Variants in MYO16 observed in about 807,000 individuals in gnomAD.
The protein encoded by MYO16 is myosin XVI.
A neutral mutation model predicts 205.3 loss-of-function variants in MYO16; 94 were observed. The observed-to-expected ratio is 0.46, with a 90% CI of 0.39 to 0.54. The LOEUF (loss-of-function observed/expected upper bound fraction) is 0.54, where lower values mean the gene tolerates loss of function less well. MYO16 is among the 20% of genes least tolerant of loss of function. MYO16 has a pLI of 0.00. For missense variants in MYO16, 2,315 were observed against 2,387.5 expected (o/e 0.97, Z 0.63); for synonymous variants, 988 against 954.0 (o/e 1.04, Z -0.66).
chr13:108,916,542 C>T (rs887160538), intron 16 of MYO16, among the ~76,000 whole-genome samples: 1 of 152,176 alleles, frequency 6.6e-6, no homozygotes. Flanking sequence ...TAACTTACGA[C>T]GTTCTAGGGA....
intron 4 of MYO16, among the ~76,000 whole-genome samples, chr13:108,750,807 AAAC>A (rs1453929004): frequency 6.6e-6 from 1 of 151,016 alleles, no homozygotes; most frequent in Non-Finnish European, 1.5e-5. Flanking sequence ...ACTCCATCTC[AAAC>A]AACAAAAAAA....
upstream of MYO16, among the ~76,000 whole-genome samples, chr13:108,595,320 A>C (rs988547431): frequency 6.6e-5 from 10 of 152,114 alleles, no homozygotes; most frequent in Admixed American, 2.0e-4. Context: ...TCATTCCACA[A>C]AATTGAATGG....
chr13:108,670,738 A>G (rs1881946883), intron 2 of MYO16, among the ~76,000 whole-genome samples: 1 of 152,180 alleles, frequency 6.6e-6, no homozygotes, highest in Non-Finnish European at 1.5e-5. Context: ...GGACATGAAG[A>G]GTTTCCCATC....
chr13:108,524,766 CA>C, the MYO16 span, among the ~76,000 whole-genome samples: 3 of 151,710 alleles, frequency 2.0e-5, no homozygotes, highest in Non-Finnish European at 4.4e-5. Flanking sequence ...TGTGTGATGA[CA>C]GGGGTAATGA....
At chr13:108,516,608 G>A in the MYO16 span, among the ~76,000 whole-genome samples, 1 of 152,144 alleles carries the variant, frequency 6.6e-6, no homozygotes, top group East Asian at 1.9e-4. Context: ...ATTAGTATAA[G>A]GTAAACATGT....
chr13:108,845,565 C>T (rs1050517952), intron 10 of MYO16, among the ~76,000 whole-genome samples: 7 of 152,076 alleles, frequency 4.6e-5, no homozygotes, highest in Non-Finnish European at 1.0e-4. Context: ...GGATCCCACC[C>T]TTATGATTTC....
At chr13:109,171,880 G>A (rs988119592) in intron 33 of MYO16, among the ~76,000 whole-genome samples, 8 of 152,170 alleles carry the variant, frequency 5.3e-5, no homozygotes, top group Admixed American at 2.0e-4. Flanking sequence ...TTATCATTCT[G>A]TATACGTTGT....
At chr13:108,516,954 A>T in the MYO16 span, among the ~76,000 whole-genome samples, 1 of 145,948 alleles carries the variant, frequency 6.9e-6, no homozygotes, top group Non-Finnish European at 1.5e-5. Flanking sequence ...TTTTAGAGAC[A>T]GGGTCTCACT....
intron 2 of MYO16, among the ~76,000 whole-genome samples, chr13:108,672,178 A>G (rs913257629): frequency 7.9e-5 from 12 of 152,226 alleles, no homozygotes; most frequent in African/African-American, 2.9e-4. Context: ...TAGAAACAGT[A>G]TAACGTCTCT....
chr13:108,709,233 A>T (rs1883631195), intron 2 of MYO16, among the ~76,000 whole-genome samples: 1 of 152,228 alleles, frequency 6.6e-6, no homozygotes, highest in Admixed American at 6.5e-5. Flanking sequence ...CGCTCCAATC[A>T]TGTTATTACA....
At position 109,179,636 on chromosome 13, in the gene MYO16, AATG is replaced by A. The variant is rs1879371069; in HGVS notation, c.5415+7_5415+9del. On this transcript the variant is annotated splice_donor_5th_base_variant and intron_variant, in intron 34 of 34. Coordinates refer to ENST00000457511, the MANE Select transcript of MYO16 (RefSeq NM_001198950.3). ...ACAGGGACAGTCACACCACTCAGGT[AATG>A]ATGTCTGTCTGTTCACATGTGCAGT... is the stretch of plus-strand genomic sequence containing the variant. The A allele has an allele frequency of 6.2e-7, 1 of 1,608,284 alleles. No homozygotes were observed. The highest frequency in any genetic ancestry group is 1.7e-5 in the Admixed American group (1 of 59,996).
intron 2 of MYO16, among the ~76,000 whole-genome samples, chr13:108,669,652 G>A (rs944679465): frequency 3.3e-5 from 5 of 152,064 alleles, no homozygotes; most frequent in African/African-American, 1.2e-4. Context: ...TTTGTTGATG[G>A]GGTTGTTTTT....
the MYO16 span, among the ~76,000 whole-genome samples, chr13:108,508,364 T>G: frequency 1.3e-5 from 2 of 152,130 alleles, no homozygotes; most frequent in South Asian, 2.1e-4. Context: ...AAAGCTTTTT[T>G]GGGGATGCAC....
chr13:108,691,932 G>T (rs1271028009), intron 2 of MYO16, among the ~76,000 whole-genome samples: 2 of 152,122 alleles, frequency 1.3e-5, no homozygotes, highest in African/African-American at 4.8e-5. Flanking sequence ...CAAGTCCTTG[G>T]TTTAGAGGTC....
intron 15 of MYO16, among the ~76,000 whole-genome samples, chr13:108,901,104 C>A (rs1880684672): frequency 6.6e-6 from 1 of 152,088 alleles, no homozygotes; most frequent in Admixed American, 6.5e-5. Context: ...GCTCTCAAAC[C>A]CTGTTTCCTG....
At chr13:108,873,703 G>A (rs1207397204) in intron 12 of MYO16, among the ~76,000 whole-genome samples, 1 of 124,050 alleles carries the variant, frequency 8.1e-6, no homozygotes, top group Non-Finnish European at 1.7e-5. Flanking sequence ...CAGGGTCCAT[G>A]CCAACCAACC....
intron 31 of MYO16, among the ~76,000 whole-genome samples, chr13:109,134,148 C>A (rs1254422121): frequency 6.6e-6 from 1 of 152,150 alleles, no homozygotes; most frequent in Non-Finnish European, 1.5e-5. Flanking sequence ...TGTAGAATAG[C>A]CCTACCTAGT....
At chr13:108,781,569 C>T (rs753174345) in intron 4 of MYO16, among the ~76,000 whole-genome samples, 6 of 152,186 alleles carry the variant, frequency 3.9e-5, no homozygotes, top group Non-Finnish European at 7.3e-5. Flanking sequence ...TGGGCATTAG[C>T]GAGCCAAGCT....
intron 16 of MYO16, among the ~76,000 whole-genome samples, chr13:108,940,014 A>C (rs980542141): frequency 1.8e-4 from 27 of 152,152 alleles, no homozygotes; most frequent in African/African-American, 6.3e-4. Flanking sequence ...TGCAATAATG[A>C]CTGATTATTT....
Sources: gnomAD v4.1 joint callset for allele counts (sites outside exome capture counted in the v4.1 genomes callset) on GRCh38, gnomAD v4.1.1 for gene constraint, MANE v1.5 for transcripts, NCBI Gene and HGNC (gene_info 2026-07-23, HGNC 2026-07-21) for gene names.